The following SORL1 variants were observed in gnomAD, a reference collection of about 807,000 sequenced individuals.
SORL1 encodes sortilin-related receptor.
Under a neutral mutation model 273.7 loss-of-function variants are expected in SORL1, and 127 were observed. The ratio of observed to expected loss-of-function variants is 0.46; its 90% CI spans 0.40 to 0.54. The LOEUF (loss-of-function observed/expected upper bound fraction) is 0.54, where lower values mean the gene tolerates loss of function less well. Among genes scored for constraint, SORL1 ranks in the 20% least tolerant of loss-of-function variants. The pLI is 0.00. For synonymous variants in SORL1, 1,031 were observed against 1,067.4 expected, an observed-to-expected ratio of 0.97 and a Z score of 0.66; for missense variants, 2,494 against 2,846.1, an observed-to-expected ratio of 0.88 and a Z score of 2.81.
intron 25 of SORL1, among the ~76,000 whole-genome samples, chr11:121,580,853 C>T (rs1159561092): frequency 6.6e-6 from 1 of 151,854 alleles, no homozygotes; most frequent in Non-Finnish European, 1.5e-5. Context: ...GATCCTCTTA[C>T]CTTGTCCTCT....
Position 121,574,344 on chromosome 11 carries a change from C to T in SORL1, c.3441C>T (p.Asn1147=), listed in dbSNP as rs1431112702. 2 of 1,613,502 alleles carry T rather than the reference C, an allele frequency of 1.2e-6. No individual in the cohort carries two copies. The highest frequency in any genetic ancestry group is 1.7e-6 in the Non-Finnish European group (2 of 1,179,486). Residue 1147 remains asparagine (N), a synonymous_variant, in exon 24 of 48, where the codon AAC becomes AAT. Coordinates refer to ENST00000260197, the MANE Select transcript of SORL1 (RefSeq NM_003105.6). The part of the protein sequence containing the change: ...KCDLEDDCGD[N]SDESHCEMHQ... ...ACCTTGAGGATGACTGTGGAGACAA[C>T]AGTGATGAAAGTCATTGTGGTAAGG...
intron 35 of SORL1, among the ~76,000 whole-genome samples, chr11:121,606,573 T>C (rs2134925336): frequency 6.6e-6 from 1 of 152,328 alleles, no homozygotes; most frequent in South Asian, 2.1e-4. Context: ...TGACTCAGCC[T>C]GCCCAAGTGA....
At chr11:121,469,020 G>T (rs143144312) in intron 1 of SORL1, among the ~76,000 whole-genome samples, 1 of 152,234 alleles carries the variant, frequency 6.6e-6, no homozygotes, top group Non-Finnish European at 1.5e-5. Flanking sequence ...AAGGCTCAGC[G>T]TGTGGCTGAG....
intron 32 of SORL1, among the ~76,000 whole-genome samples, chr11:121,601,477 C>G (rs1863390311): frequency 6.6e-6 from 1 of 151,470 alleles, no homozygotes; most frequent in Non-Finnish European, 1.5e-5. Context: ...GCCACACTGA[C>G]TTCCACAATG....
chr11:121,532,607 T>G, intron 12 of SORL1, 55 bp downstream of exon 12: 7 of 1,415,082 alleles, frequency 4.9e-6, no homozygotes, highest in Non-Finnish European at 7.0e-6. Context: ...GAAATTTACG[T>G]CTGTGATTAT....
At chr11:121,485,219 G>C (rs866596629) in intron 3 of SORL1, among the ~76,000 whole-genome samples, 1 of 152,180 alleles carries the variant, frequency 6.6e-6, no homozygotes, top group Admixed American at 6.5e-5. Context: ...GGCTGGGGAT[G>C]GAGAGGTGAA....
In SORL1 at chr11:121,608,241, A is replaced by T. The variant is rs1863508186; in HGVS notation, c.5239+65A>T. The T allele has an allele frequency of 4.0e-5, 53 of 1,315,834 alleles. 1 individual carries two copies. In the South Asian group the frequency reaches 6.4e-4, roughly 16 times the overall value. 81.5% of individuals were successfully genotyped at this position (1,315,834 alleles called of 1,614,324 possible). On this transcript the variant is annotated intron_variant, in intron 38 of 47. Transcript: ENST00000260197. Reference sequence around the variant, plus strand: ...ATACAAACCCTTTCAAATGACTTTCAGTATGACCGGAAAATGGAGAAACGT... The same window carrying T: ...ATACAAACCCTTTCAAATGACTTTCTGTATGACCGGAAAATGGAGAAACGT...
chr11:121,545,161 G>A (rs1591320268), intron 13 of SORL1, 82 bp from the exon 14 acceptor site: 2 of 1,325,498 alleles, frequency 1.5e-6, no homozygotes, highest in East Asian at 4.7e-5. Flanking sequence ...AGTGGGGGTT[G>A]AGGCCAGGCA....
chr11:121,628,030 C>A (rs1435678910), intron 47 of SORL1, among the ~76,000 whole-genome samples: 1 of 152,152 alleles, frequency 6.6e-6, no homozygotes, highest in Non-Finnish European at 1.5e-5. Flanking sequence ...CTTGAGACTC[C>A]CAAAGTATCG....
Position 121,621,128 on chromosome 11 carries a change from G to T in SORL1, c.5954G>T (p.Arg1985Leu), listed in dbSNP as rs750421636. 4 of 1,613,866 alleles carry T rather than the reference G, an allele frequency of 2.5e-6. No homozygotes were observed. The South Asian group carries it at 3.3e-5, about 13-fold the overall frequency. ...KTDRSYKVKS[R>L]NSTVEYTLNK... Reference sequence around the variant, plus strand: ...GACAGGAGCTACAAAGTAAAATCCCGTAACAGCACTGTGGAATACACCCTT... The same window carrying T: ...GACAGGAGCTACAAAGTAAAATCCCTTAACAGCACTGTGGAATACACCCTT... The change falls in exon 44 of 48, where the codon CGT becomes CTT. Residue 1985 changes from arginine to leucine, a missense_variant. Physicochemically the swap from Arg to Leu is moderately radical, Grantham distance 102. Coordinates refer to ENST00000260197, the MANE Select transcript of SORL1 (RefSeq NM_003105.6).
chr11:121,558,960 C>T (rs1036697691), intron 20 of SORL1, 123 bp downstream of exon 20: 37 of 1,275,496 alleles, frequency 2.9e-5, no homozygotes, highest in Non-Finnish European at 4.0e-5. Context: ...GCCTTTTTTC[C>T]AAATTTGAGA....
chr11:121,588,200 G>T (rs201200754), intron 28 of SORL1, 49 bp downstream of exon 28: 164 of 1,605,834 alleles, frequency 1.0e-4, no homozygotes, highest in African/African-American at 4.4e-4. Flanking sequence ...TAAAGAACTT[G>T]CATGGGGGTT....
chr11:121,613,716 T>C (rs530622491), intron 40 of SORL1, among the ~76,000 whole-genome samples: 2 of 152,264 alleles, frequency 1.3e-5, no homozygotes, highest in African/African-American at 4.8e-5. Context: ...AAAACTGAAG[T>C]TGAAAGAATA....
intron 2 of SORL1, among the ~76,000 whole-genome samples, chr11:121,471,449 C>T (rs1379407409): frequency 6.6e-6 from 1 of 152,208 alleles, no homozygotes; most frequent in African/African-American, 2.4e-5. Context: ...GCGGCCTGTG[C>T]TCTGGACTCC....
chr11:121,574,512 G>A (rs1862897576), intron 24 of SORL1, 149 bp downstream of exon 24: 6 of 691,022 alleles, frequency 8.7e-6, no homozygotes, highest in South Asian at 8.0e-5. Flanking sequence ...TCCACATGGT[G>A]GGGTTGAGTC....
chr11:121,488,878 G>A (rs971805291), intron 4 of SORL1, among the ~76,000 whole-genome samples: 2 of 152,188 alleles, frequency 1.3e-5, no homozygotes, highest in African/African-American at 4.8e-5. Context: ...AGAAACCTTG[G>A]AACGTTTTTT....
In SORL1 at chr11:121,469,999, T is replaced by C; in HGVS notation, c.286-8T>C. 6.3e-7 allele frequency: 1 copy of C among 1,592,692 alleles called. No homozygotes were observed. Among genetic ancestry groups the C allele is most frequent in the Non-Finnish European group, 8.6e-7 (1 of 1,160,342 alleles). ...GTGGGTCCTAATTCCTACATTGATCTCTTTCAGGTTAGTCTGAATGATTCC... is the reference window on the plus strand; with the variant it reads ...GTGGGTCCTAATTCCTACATTGATCCCTTTCAGGTTAGTCTGAATGATTCC... On this transcript the variant is annotated splice_polypyrimidine_tract_variant and splice_region_variant and intron_variant, in intron 1 of 47. Coordinates refer to ENST00000260197, the MANE Select transcript of SORL1 (RefSeq NM_003105.6).
intron 6 of SORL1, among the ~76,000 whole-genome samples, chr11:121,498,335 G>T (rs1258439691): frequency 6.6e-6 from 1 of 152,178 alleles, no homozygotes; most frequent in Non-Finnish European, 1.5e-5. Context: ...TGTGACATCA[G>T]TTGGACAGTC....
chr11:121,586,231 G>A lies in SORL1; in HGVS notation c.3716G>A (p.Cys1239Tyr). 2 of 1,612,250 alleles carry A rather than the reference G, an allele frequency of 1.2e-6. No individual in the cohort carries two copies. The highest frequency in any genetic ancestry group is 2.2e-5 in the East Asian group (1 of 44,882). Reference sequence around the variant, plus strand: ...TTGAATTCTATTTCAGAGAAGAAGTGCAATGGATTCCGCTGCCCAAACGGC... The same window carrying A: ...TTGAATTCTATTTCAGAGAAGAAGTACAATGGATTCCGCTGCCCAAACGGC... ...DEDPVNCEKK[C>Y]NGFRCPNGTC... Residue 1239 changes from cysteine (C) to tyrosine (Y), a missense_variant, in exon 27 of 48, where the codon TGC becomes TAC. By Grantham distance (194) the Cys-to-Tyr change is radical. Transcript: ENST00000260197.
Sources: allele counts gnomAD v4.1 joint callset (sites outside exome capture counted in the v4.1 genomes callset), GRCh38; gene constraint gnomAD v4.1.1; transcripts MANE v1.5; gene names NCBI Gene and HGNC (gene_info 2026-07-23, HGNC 2026-07-21).